The following EMSY variants were observed in gnomAD, a reference collection of about 807,000 sequenced individuals.
The protein encoded by EMSY is BRCA2-interacting transcriptional repressor EMSY.
Under a neutral mutation model 134.6 loss-of-function variants are expected in EMSY, and 26 were observed. That is an observed-to-expected ratio of 0.19 (90% CI 0.14 to 0.27). EMSY has a LOEUF of 0.27. EMSY is among the 10% of genes least tolerant of loss of function. EMSY has a pLI of 1.00. For synonymous variants in EMSY, 579 were observed against 577.8 expected (o/e 1.00, Z -0.03); for missense variants, 1,305 against 1,611.4 (o/e 0.81, Z 3.26).
chr11:76,500,959 T>C (rs1482849553), intron 9 of EMSY, among the ~76,000 whole-genome samples: 1 of 152,202 alleles, frequency 6.6e-6, no homozygotes, highest in Non-Finnish European at 1.5e-5. Context: ...CAGGACCCTG[T>C]TGATACTCAA....
chr11:76,537,996 T>TAATA, intron 16 of EMSY, 46 bp downstream of exon 17: 1 of 1,476,052 alleles, frequency 6.8e-7, no homozygotes, highest in Non-Finnish European at 9.2e-7. Context: ...AGAACTACCT[T>TAATA]CCTGGATTTC....
chr11:76,535,846 G>A (rs74497857), intron 14 of EMSY, 49 bp from the exon 16 acceptor site: 7 of 1,200,142 alleles, frequency 5.8e-6, no homozygotes, highest in Non-Finnish European at 7.7e-6. Context: ...TTTTTTTTAA[G>A]AGAAACTTTG....
intron 6 of EMSY, among the ~76,000 whole-genome samples, chr11:76,462,145 A>G (rs1235097075): frequency 1.3e-5 from 2 of 152,118 alleles, no homozygotes; most frequent in Non-Finnish European, 2.9e-5. Context: ...AGGCTGAGGC[A>G]GGAGAATCAC....
intron 6 of EMSY, among the ~76,000 whole-genome samples, chr11:76,463,196 A>T (rs1361921532): frequency 6.6e-6 from 1 of 152,102 alleles, no homozygotes; most frequent in Non-Finnish European, 1.5e-5. Context: ...GGGCATATGT[A>T]ATCCCAGCTA....
chr11:76,464,157 G>A lies in EMSY; in HGVS notation c.831+77G>A, dbSNP rs1590806447. The A allele has an allele frequency of 1.3e-5, 20 of 1,503,786 alleles. No individual in the cohort carries two copies. In the East Asian group the frequency reaches 4.5e-4, roughly 34 times the overall value. The allele number at this position is 1,503,786 out of a possible 1,614,324, so 93.2% of individuals were successfully genotyped here. Reference sequence around the variant, plus strand: ...GATTCAGATTTAATAAACATGCACTGAGTGCTTACTATGTGCTTGGCATTA... The same window carrying A: ...GATTCAGATTTAATAAACATGCACTAAGTGCTTACTATGTGCTTGGCATTA... On this transcript the variant is annotated intron_variant, in intron 7 of 20. Transcript: ENST00000334736.
At chr11:76,485,947 C>T (rs1003796326) in intron 8 of EMSY, among the ~76,000 whole-genome samples, 6 of 152,218 alleles carry the variant, frequency 3.9e-5, no homozygotes, top group South Asian at 2.1e-4. Context: ...AAGACACATG[C>T]ACATGTATGT....
At chr11:76,463,940 A>T (rs753174540) in exon 7 of EMSY, 2 of 1,614,216 alleles carry the variant, frequency 1.2e-6, no homozygotes, top group Non-Finnish European at 1.7e-6. Flanking sequence ...CTCAAAGACG[A>T]TCACTGTGCC....
At chr11:76,536,781 A>T (rs1396304105) in intron 15 of EMSY, among the ~76,000 whole-genome samples, 1 of 152,240 alleles carries the variant, frequency 6.6e-6, no homozygotes, top group Non-Finnish European at 1.5e-5. Flanking sequence ...GTAAACTGAG[A>T]TCTAGAGAGG....
At chr11:76,498,414 A>G (rs1949732099) in intron 9 of EMSY, among the ~76,000 whole-genome samples, 1 of 152,158 alleles carries the variant, frequency 6.6e-6, no homozygotes, top group Non-Finnish European at 1.5e-5. Context: ...AGTTGATGGG[A>G]GTGAAGTAAT....
At chr11:76,459,911 A>G (rs769113365) in intron 5 of EMSY, 22 bp from the exon 7 acceptor site, 4 of 1,604,998 alleles carry the variant, frequency 2.5e-6, no homozygotes, top group East Asian at 4.5e-5. Context: ...GTTAACAGCA[A>G]ACTTTTTTAT....
At chr11:76,535,901 A>G (rs1332961268) in exon 15 of EMSY, 3 of 1,516,918 alleles carry the variant, frequency 2.0e-6, no homozygotes, top group Non-Finnish European at 2.6e-6. Flanking sequence ...ACAGATTCCC[A>G]GCCTGTAGTT....
At chr11:76,499,530 G>A (rs555627139) in intron 9 of EMSY, among the ~76,000 whole-genome samples, 8 of 151,790 alleles carry the variant, frequency 5.3e-5, no homozygotes, top group South Asian at 4.2e-4. Context: ...CTCGTGATCC[G>A]CCCTCCTCCA....
chr11:76,467,992 C>CA lies in EMSY; in HGVS notation c.831+3923dup, dbSNP rs71986141. Among the ~76,000 whole-genome samples, 229 of 141,214 alleles carry CA rather than the reference C, an allele frequency of 1.6e-3. 2 individuals are homozygous for CA. Among genetic ancestry groups the CA allele is most frequent in the Middle Eastern group, 3.6e-3 (1 of 280 alleles). 92.6% of individuals were successfully genotyped at this position (141,214 alleles called of 152,430 possible). A position where few individuals can be genotyped will look rare whatever the true frequency, so the allele number is the denominator to read the frequency against. On this transcript the variant is annotated intron_variant, in intron 7 of 20. Coordinates refer to ENST00000334736, the Ensembl canonical transcript of EMSY. ...TAAACTCCATCTCAAAAAAAAAAAA[C>CA]AAAAAAAAAAACTTAACGTAGTACA...
intron 2 of EMSY, among the ~76,000 whole-genome samples, chr11:76,451,003 C>A (rs1947644327): frequency 6.6e-6 from 1 of 151,880 alleles, no homozygotes; most frequent in Non-Finnish European, 1.5e-5. Flanking sequence ...TGCCATGTTG[C>A]CCAGACTGGT....
exon 19 of EMSY, chr11:76,544,577 G>C (rs2136762520): frequency 6.2e-7 from 1 of 1,614,042 alleles, no homozygotes; most frequent in Non-Finnish European, 8.5e-7. Flanking sequence ...TCTCCAGCAA[G>C]AACAAGCACA....
chr11:76,454,742 T>C lies in EMSY; in HGVS notation c.245+1354T>C. On this transcript the variant is annotated intron_variant, in intron 4 of 20. Coordinates refer to ENST00000334736, the Ensembl canonical transcript of EMSY. ...TTAGTCTCCTTTTCCTTTTTTCCCC[T>C]TTAAAGAATGAATTTATCCTTATAT... The C allele has an allele frequency of 6.9e-7, 1 of 1,455,086 alleles. No homozygotes were observed. The highest frequency in any genetic ancestry group is 1.4e-5 in the African/African-American group (1 of 70,758). The allele number at this position is 1,455,086 out of a possible 1,614,324, so 90.1% of individuals were successfully genotyped here.
intron 9 of EMSY, among the ~76,000 whole-genome samples, chr11:76,501,719 T>C (rs150503647): frequency 6.6e-6 from 1 of 152,020 alleles, no homozygotes; most frequent in African/African-American, 2.4e-5. Context: ...TACACCAACA[T>C]ACATATAATG....
At chr11:76,462,471 C>T (rs1948164119) in intron 6 of EMSY, among the ~76,000 whole-genome samples, 1 of 152,182 alleles carries the variant, frequency 6.6e-6, no homozygotes, top group Non-Finnish European at 1.5e-5. Flanking sequence ...CCTCTGGGAG[C>T]CCCTTACTAA....
rs954559704 is a variant in EMSY at position 76,450,784 on chromosome 11, G to T, written c.71-1074G>T. Among the ~76,000 whole-genome samples the T allele has an allele frequency of 1.0e-3, 136 of 131,860 alleles. 1 individual carries two copies. The highest frequency in any genetic ancestry group is 4.3e-3 in the Middle Eastern group (1 of 232). 86.5% of individuals were successfully genotyped at this position (131,860 alleles called of 152,430 possible). ...TGGGATTACAGGTGTGAGCCATGAAGCCTGGCCAGATTTTTTTTTTTTTTT... is the reference window on the plus strand; with the variant it reads ...TGGGATTACAGGTGTGAGCCATGAATCCTGGCCAGATTTTTTTTTTTTTTT... On this transcript the variant is annotated intron_variant, in intron 2 of 20. Transcript: ENST00000334736.
Sources: allele counts gnomAD v4.1 joint callset (sites outside exome capture counted in the v4.1 genomes callset), GRCh38; gene constraint gnomAD v4.1.1; transcripts MANE v1.5; gene names NCBI Gene and HGNC (gene_info 2026-07-23, HGNC 2026-07-21).